AUTS2: variants seen among roughly 807,000 people sequenced by gnomAD.
AUTS2 encodes the protein autism susceptibility gene 2 protein.
In AUTS2, 17 loss-of-function variants were observed where a neutral mutation model predicts 112.4. That is an observed-to-expected ratio of 0.15 (90% confidence interval 0.10 to 0.23). The LOEUF (loss-of-function observed/expected upper bound fraction) is 0.23. Among genes scored for constraint, AUTS2 ranks in the 10% least tolerant of loss-of-function variants. The pLI is 1.00. For synonymous variants in AUTS2, 751 were observed against 702.7 expected, an observed-to-expected ratio of 1.07 and a Z score of -1.09; for missense variants, 1,510 against 1,701.6, an observed-to-expected ratio of 0.89 and a Z score of 1.98.
intron 5 of AUTS2, among the ~76,000 whole-genome samples, chr7:70,674,175 G>A (rs1299493182): frequency 6.6e-6 from 1 of 152,206 alleles, no homozygotes; most frequent in Non-Finnish European, 1.5e-5. Flanking sequence ...AGGGGCGGTG[G>A]GGGAGGGGGG....
intron 1 of AUTS2, among the ~76,000 whole-genome samples, chr7:69,893,234 C>A (rs1374564831): frequency 6.6e-6 from 1 of 152,206 alleles, no homozygotes; most frequent in East Asian, 1.9e-4. Context: ...AGATAGTAGT[C>A]TTCTCTACTT....
chr7:70,017,737 TA>T (rs1413644001), intron 2 of AUTS2, among the ~76,000 whole-genome samples: 2 of 152,108 alleles, frequency 1.3e-5, no homozygotes, highest in Non-Finnish European at 2.9e-5. Context: ...CACAGGAAAG[TA>T]GTTGTTAGAA....
chr7:70,575,737 G>A (rs151013053), intron 5 of AUTS2, among the ~76,000 whole-genome samples: 22 of 152,298 alleles, frequency 1.4e-4, no homozygotes, highest in Admixed American at 3.3e-4. Context: ...CACTTTGGAA[G>A]TCAGCACATC....
chr7:69,814,374 T>G (rs1244169363), intron 1 of AUTS2, among the ~76,000 whole-genome samples: 3 of 152,210 alleles, frequency 2.0e-5, no homozygotes, highest in Non-Finnish European at 4.4e-5. Flanking sequence ...ATATAGATTG[T>G]CAGCAAGAGA....
At chr7:70,144,248 G>A (rs967359967) in intron 4 of AUTS2, among the ~76,000 whole-genome samples, 3 of 151,932 alleles carry the variant, frequency 2.0e-5, no homozygotes, top group South Asian at 4.2e-4. Flanking sequence ...AGGGTTCTGG[G>A]GCAGAGAAAT....
chr7:70,766,115 G>A lies in AUTS2; in HGVS notation c.1470G>A (p.Glu490=), dbSNP rs1158178075. The A allele has an allele frequency of 1.9e-6, 3 of 1,612,520 alleles. No individual in the cohort carries two copies. Among genetic ancestry groups the A allele is most frequent in the Non-Finnish European group, 2.5e-6 (3 of 1,178,756 alleles). Residue 490 remains glutamate, a splice_region_variant and synonymous_variant, in exon 9 of 19, where the codon GAG becomes GAA. Transcript: ENST00000342771. The surrounding 1 kb of genome is among the most constrained non-coding windows in gnomAD (Gnocchi z 4.8). The part of the protein sequence containing the change: ...AGHPAGSTYS[E]QDILRQELNT... The stretch of plus-strand genomic sequence containing the variant: ...CGTCTCCCTCTTCTTCTCTTCCAGA[G>A]CAAGACATCTTGCGACAGGAACTGA...
chr7:70,338,416 T>TACAGTCTTTCCTAAA (rs1467570529), intron 4 of AUTS2, among the ~76,000 whole-genome samples: 1 of 152,226 alleles, frequency 6.6e-6, no homozygotes, highest in Admixed American at 6.5e-5. Context: ...ACAGATAGCA[T>TACAGTCTTTCCTAAA]AGACTGTCTT....
intron 5 of AUTS2, among the ~76,000 whole-genome samples, chr7:70,462,356 A>G (rs1407632162): frequency 1.3e-5 from 2 of 152,140 alleles, no homozygotes; most frequent in Non-Finnish European, 2.9e-5. Flanking sequence ...GGATTGATAG[A>G]TACATAATGA....
intron 5 of AUTS2, among the ~76,000 whole-genome samples, chr7:70,683,745 C>A (rs1045180841): frequency 6.6e-6 from 1 of 152,178 alleles, no homozygotes; most frequent in Non-Finnish European, 1.5e-5. Context: ...TTGCCCTGAC[C>A]CTATGTAACA....
At chr7:70,056,135 G>A (rs1801984041) in intron 2 of AUTS2, among the ~76,000 whole-genome samples, 1 of 151,860 alleles carries the variant, frequency 6.6e-6, no homozygotes, top group African/African-American at 2.4e-5. Flanking sequence ...TTACAGGCGT[G>A]CACCACCGTG....
chr7:70,448,893 A>C (rs1403124647), intron 5 of AUTS2, among the ~76,000 whole-genome samples: 1 of 152,202 alleles, frequency 6.6e-6, no homozygotes, highest in Non-Finnish European at 1.5e-5. Context: ...ATGGACCTCC[A>C]CATGCTCACA....
intron 1 of AUTS2, among the ~76,000 whole-genome samples, chr7:69,679,626 G>GA (rs1270216062): frequency 1.3e-5 from 2 of 152,064 alleles, no homozygotes; most frequent in African/African-American, 4.8e-5. Flanking sequence ...TTTAAATAAT[G>GA]AAAAAAATAC....
intron 5 of AUTS2, among the ~76,000 whole-genome samples, chr7:70,553,760 C>CT (rs71531706): frequency 0.021 from 1,153 of 56,058 alleles, 46 homozygotes; most frequent in East Asian, 0.073. Flanking sequence ...GCCTTTCTTT[C>CT]TTTTTTTTTT....
chr7:70,107,167 A>G (rs1804807635), intron 2 of AUTS2, among the ~76,000 whole-genome samples: 1 of 152,102 alleles, frequency 6.6e-6, no homozygotes, highest in Non-Finnish European at 1.5e-5. Context: ...TATCTAAAAT[A>G]TCTGAAATTA....
At chr7:70,556,652 G>C (rs1264594879) in intron 5 of AUTS2, among the ~76,000 whole-genome samples, 2 of 152,150 alleles carry the variant, frequency 1.3e-5, no homozygotes, top group African/African-American at 4.8e-5. Flanking sequence ...GTAGCCCTGA[G>C]ACTTCTGTCC....
At chr7:70,382,106 A>G (rs1416080127) in intron 4 of AUTS2, among the ~76,000 whole-genome samples, 1 of 152,146 alleles carries the variant, frequency 6.6e-6, no homozygotes, top group East Asian at 1.9e-4. Flanking sequence ...GCATATCACG[A>G]CAGTGTCTCA....
chr7:70,064,096 G>A (rs184698562), intron 2 of AUTS2, among the ~76,000 whole-genome samples: 1 of 152,324 alleles, frequency 6.6e-6, no homozygotes, highest in Admixed American at 6.5e-5. Context: ...AGCTTAAGGA[G>A]CGAAGGATTT....
intron 5 of AUTS2, among the ~76,000 whole-genome samples, chr7:70,516,832 A>G (rs534039029): frequency 1.3e-5 from 2 of 152,298 alleles, no homozygotes; most frequent in African/African-American, 4.8e-5. Context: ...ACCATATGAG[A>G]TTCTATTTTA....
intron 5 of AUTS2, among the ~76,000 whole-genome samples, chr7:70,678,777 C>T (rs931780120): frequency 2.6e-5 from 4 of 152,150 alleles, no homozygotes; most frequent in East Asian, 3.9e-4. Context: ...GGGTTGACCA[C>T]GAAGCTCAGA....
Sources: allele counts gnomAD v4.1 joint callset (sites outside exome capture counted in the v4.1 genomes callset), GRCh38; gene constraint gnomAD v4.1.1; non-coding constraint Gnocchi (gnomAD v3.1); transcripts MANE v1.5; gene names NCBI Gene and HGNC (gene_info 2026-07-23, HGNC 2026-07-21).